The following MAML3 variants were observed in gnomAD, a reference collection of about 807,000 sequenced individuals.
MAML3 encodes the protein mastermind-like protein 3.
MAML3 carries 27 observed loss-of-function variants against 101.9 expected under a neutral mutation model. That is an observed-to-expected ratio of 0.27 (90% CI 0.20 to 0.37). The LOEUF (loss-of-function observed/expected upper bound fraction) is 0.37, where lower values mean the gene tolerates loss of function less well. Among genes scored for constraint, MAML3 ranks in the 10% least tolerant of loss-of-function variants. The pLI, the probability that MAML3 is intolerant of heterozygous loss-of-function variation, is 1.00. For synonymous variants in MAML3, 501 were observed against 555.9 expected (o/e 0.90, Z 1.39); for missense variants, 1,316 against 1,444.9 (o/e 0.91, Z 1.45).
At chr4:140,043,499 T>C (rs975166568) in intron 1 of MAML3, among the ~76,000 whole-genome samples, 11 of 152,230 alleles carry the variant, frequency 7.2e-5, no homozygotes, top group Admixed American at 3.3e-4. Flanking sequence ...GTTTCTGACA[T>C]TCAACTTCTT....
chr4:140,104,401 AAT>A (rs1560894778), intron 1 of MAML3, among the ~76,000 whole-genome samples: 5 of 79,600 alleles, frequency 6.3e-5, no homozygotes, highest in Middle Eastern at 6.7e-3. Context: ...TATATTATAT[AAT>A]ATATAATATA....
At chr4:140,134,565 A>G (rs578214419) in intron 1 of MAML3, 30 of 348,708 alleles carry the variant, frequency 8.6e-5, no homozygotes, top group Non-Finnish European at 1.6e-4. Context: ...TGCAGAGCCC[A>G]GTGTTAAAAT....
intron 1 of MAML3, among the ~76,000 whole-genome samples, chr4:139,965,702 C>A (rs1349415140): frequency 6.6e-6 from 1 of 152,158 alleles, no homozygotes; most frequent in Non-Finnish European, 1.5e-5. Context: ...CTTTATTAAA[C>A]TGTGTTTTTT....
At chr4:140,150,150 C>T (rs1357115) in intron 1 of MAML3, among the ~76,000 whole-genome samples, 152,015 of 152,376 alleles carry the variant, frequency 1, 75,828 homozygotes, top group Middle Eastern at 1. Flanking sequence ...CATAAAATGA[C>T]AGAAAATTTT....
intron 1 of MAML3, among the ~76,000 whole-genome samples, chr4:140,001,035 AAG>A (rs1388396475): frequency 6.6e-6 from 1 of 152,204 alleles, no homozygotes; most frequent in African/African-American, 2.4e-5. Context: ...TCTCAAAAAA[AAG>A]AAAAAAAAGA....
chr4:139,796,095 G>A (rs1239114103), intron 2 of MAML3, among the ~76,000 whole-genome samples: 1 of 152,148 alleles, frequency 6.6e-6, no homozygotes, highest in Non-Finnish European at 1.5e-5. Context: ...GGAGCTTCAT[G>A]TTTTTTCTTC....
intron 1 of MAML3, among the ~76,000 whole-genome samples, chr4:139,983,167 A>C (rs1369849373): frequency 6.6e-6 from 1 of 152,190 alleles, no homozygotes; most frequent in Non-Finnish European, 1.5e-5. Flanking sequence ...AACTCCATTG[A>C]TTTTGACAAA....
Position 140,103,383 on chromosome 4 carries a change from C to G in MAML3, c.468+49477G>C, listed in dbSNP as rs191116146. Among the ~76,000 whole-genome samples, 301 of 152,214 alleles carry G rather than the reference C, an allele frequency of 2.0e-3. 1 individual carries two copies. The highest frequency in any genetic ancestry group is 7.1e-3 in the African/African-American group (293 of 41,546). On this transcript the variant is annotated intron_variant, in intron 1 of 4. Coordinates refer to ENST00000509479, the MANE Select transcript of MAML3 (RefSeq NM_018717.5). ...CAAGCTTTCAACTATATTGGATTTT[C>G]CTTTTAAAAAGAACAATAATTTAAA... is the stretch of plus-strand genomic sequence containing the variant.
At chr4:140,071,734 T>C (rs1465691621) in intron 1 of MAML3, among the ~76,000 whole-genome samples, 1 of 141,386 alleles carries the variant, frequency 7.1e-6, no homozygotes, top group Non-Finnish European at 1.5e-5. Flanking sequence ...TTTACACTTA[T>C]AATTTTACAG....
chr4:139,915,693 C>A (rs1025433499), intron 1 of MAML3, among the ~76,000 whole-genome samples: 1 of 151,864 alleles, frequency 6.6e-6, no homozygotes, highest in African/African-American at 2.4e-5. Context: ...GCAGCATTGG[C>A]GGGGGGGCGG....
intron 2 of MAML3, among the ~76,000 whole-genome samples, chr4:139,784,447 C>T (rs1235113448): frequency 3.3e-5 from 5 of 152,104 alleles, no homozygotes; most frequent in South Asian, 4.2e-4. Flanking sequence ...GGCTTACTTG[C>T]GAGGCTCCAG....
chr4:139,793,553 T>A (rs1007080442), intron 2 of MAML3, among the ~76,000 whole-genome samples: 1 of 152,158 alleles, frequency 6.6e-6, no homozygotes, highest in Non-Finnish European at 1.5e-5. Flanking sequence ...CATCTTAAAA[T>A]CCTAAATACT....
intron 2 of MAML3, among the ~76,000 whole-genome samples, chr4:139,820,977 A>AT (rs1482740193): frequency 6.6e-6 from 1 of 152,084 alleles, no homozygotes; most frequent in East Asian, 1.9e-4. Flanking sequence ...TTCTATATCC[A>AT]TTTTTCATGT....
At chr4:139,766,824 G>T (rs1038482235) in intron 2 of MAML3, among the ~76,000 whole-genome samples, 2 of 152,220 alleles carry the variant, frequency 1.3e-5, no homozygotes, top group African/African-American at 4.8e-5. Context: ...ACCAAGGTTT[G>T]CCACTGCGCC....
At chr4:139,858,748 C>A (rs1419301419) in intron 2 of MAML3, among the ~76,000 whole-genome samples, 2 of 152,146 alleles carry the variant, frequency 1.3e-5, no homozygotes, top group African/African-American at 4.8e-5. Context: ...CCGGGCAGCT[C>A]TTATTCACAT....
intron 1 of MAML3, among the ~76,000 whole-genome samples, chr4:140,075,458 G>A (rs557198338): frequency 1.1e-4 from 17 of 152,262 alleles, no homozygotes; most frequent in African/African-American, 3.6e-4. Flanking sequence ...TTTCCTCATA[G>A]AGCGTTATAA....
chr4:140,133,050 G>A (rs1307551772), intron 1 of MAML3: 1 of 426,286 alleles, frequency 2.3e-6, no homozygotes, highest in Non-Finnish European at 4.7e-6. Context: ...TATTTTAAAA[G>A]GAGGGGAGAA....
At chr4:140,132,670 G>A (rs1475040991) in intron 1 of MAML3, among the ~76,000 whole-genome samples, 1 of 152,212 alleles carries the variant, frequency 6.6e-6, no homozygotes, top group Non-Finnish European at 1.5e-5. Flanking sequence ...GTGGTGCCCT[G>A]GGAAGAGCAG....
chr4:140,067,049 G>A (rs1325022911), intron 1 of MAML3, among the ~76,000 whole-genome samples: 1 of 152,140 alleles, frequency 6.6e-6, no homozygotes, highest in Non-Finnish European at 1.5e-5. Context: ...ATGAATCCCT[G>A]AATAATACAT....
Sources: gnomAD v4.1 joint callset for allele counts (sites outside exome capture counted in the v4.1 genomes callset) on GRCh38, gnomAD v4.1.1 for gene constraint, MANE v1.5 for transcripts, NCBI Gene and HGNC (gene_info 2026-07-23, HGNC 2026-07-21) for gene names.